Variants in L3MBTL4 observed in about 807,000 individuals in gnomAD.
L3MBTL4 encodes the protein L3MBTL histone methyl-lysine binding protein 4.
In L3MBTL4, 70 loss-of-function variants were observed where a neutral mutation model predicts 84.5. The observed-to-expected ratio is 0.83, with a 90% CI of 0.68 to 1.01. The LOEUF (loss-of-function observed/expected upper bound fraction) is 1.01, where lower values mean the gene tolerates loss of function less well. Among genes scored for constraint, L3MBTL4 ranks in the 50% least tolerant of loss-of-function variants. The probability of loss-of-function intolerance (pLI) is 0.00; values close to 1 mark genes in which losing one functional copy is unlikely to be tolerated. For missense variants in L3MBTL4, 715 were observed against 754.8 expected (o/e 0.95, Z 0.62); for synonymous variants, 274 against 259.8 (o/e 1.05, Z -0.52).
intron 1 of L3MBTL4, among the ~76,000 whole-genome samples, chr18:6,378,495 A>C (rs1054418603): frequency 6.6e-6 from 1 of 152,088 alleles, no homozygotes; most frequent in African/African-American, 2.4e-5. Flanking sequence ...TAATTTTTGT[A>C]TAAGGTATAA....
At chr18:6,054,285 C>T (rs947168865) in intron 16 of L3MBTL4, among the ~76,000 whole-genome samples, 5 of 151,996 alleles carry the variant, frequency 3.3e-5, no homozygotes, top group South Asian at 2.1e-4. Context: ...CCCACCGGCT[C>T]GCATTAGGAG....
chr18:6,107,478 C>T (rs1176588131), intron 14 of L3MBTL4, among the ~76,000 whole-genome samples: 1 of 152,154 alleles, frequency 6.6e-6, no homozygotes, highest in Admixed American at 6.5e-5. Context: ...GGACAGCATG[C>T]AGGCGGTCTG....
chr18:6,268,177 G>A (rs559356065), intron 4 of L3MBTL4, among the ~76,000 whole-genome samples: 12 of 152,266 alleles, frequency 7.9e-5, no homozygotes, highest in South Asian at 2.1e-4. Context: ...AGGCCAAGGC[G>A]GTTGAATCAC....
intron 13 of L3MBTL4, among the ~76,000 whole-genome samples, chr18:6,146,221 C>A (rs1462219834): frequency 6.6e-6 from 1 of 152,224 alleles, no homozygotes; most frequent in African/African-American, 2.4e-5. Context: ...TGCTCGGGAC[C>A]TGCTGTGCGC....
At chr18:6,161,916 T>C (rs1204146980) in intron 13 of L3MBTL4, among the ~76,000 whole-genome samples, 1 of 150,372 alleles carries the variant, frequency 6.7e-6, no homozygotes, top group Non-Finnish European at 1.5e-5. Context: ...AAAATACATA[T>C]AATTCTTATA....
chr18:6,183,293 C>A (rs1199072635), intron 12 of L3MBTL4, among the ~76,000 whole-genome samples: 1 of 152,166 alleles, frequency 6.6e-6, no homozygotes, highest in Non-Finnish European at 1.5e-5. Context: ...CAAATGATCT[C>A]CAAATCAGTT....
Position 6,169,618 on chromosome 18 carries a change from G to A in L3MBTL4, c.1096+2210C>T, listed in dbSNP as rs185829632. Among the ~76,000 whole-genome samples the A allele has an allele frequency of 3.4e-5, 5 of 145,438 alleles. No individual in the cohort carries two copies. The East Asian group carries it at 1.0e-3, about 30-fold the overall frequency. ...ACCGCATGTTCTCACTCATAGGTGG[G>A]AATTGAACAATGAGAACACATGGAC... On this transcript the variant is annotated intron_variant, in intron 13 of 18. Coordinates refer to ENST00000317931, the MANE Select transcript of L3MBTL4 (RefSeq NM_001330559.2).
intron 16 of L3MBTL4, among the ~76,000 whole-genome samples, chr18:6,035,221 C>A (rs1282645771): frequency 6.6e-6 from 1 of 151,048 alleles, no homozygotes; most frequent in East Asian, 1.9e-4. Context: ...GAAGTCCTTG[C>A]CCATGCCTAT....
intron 14 of L3MBTL4, among the ~76,000 whole-genome samples, chr18:6,128,981 T>C (rs1225943008): frequency 2.6e-5 from 4 of 151,986 alleles, no homozygotes; most frequent in African/African-American, 9.7e-5. Flanking sequence ...GGTCACATTG[T>C]GATACAACCA....
chr18:6,225,119 C>A (rs747581906), intron 10 of L3MBTL4, among the ~76,000 whole-genome samples: 8 of 152,124 alleles, frequency 5.3e-5, no homozygotes, highest in Non-Finnish European at 1.2e-4. Context: ...TTACTCGCTC[C>A]CTAACAATGA....
intron 16 of L3MBTL4, among the ~76,000 whole-genome samples, chr18:6,078,441 A>AAAAAAAAAAAAAAAAAAG (rs2057943071): frequency 6.7e-6 from 1 of 148,530 alleles, no homozygotes. Flanking sequence ...AAAAAAAACA[A>AAAAAAAAAAAAAAAAAAG]AAAAAAAAAA....
At chr18:6,213,322 A>AT in intron 11 of L3MBTL4, 63 bp from the exon 12 acceptor site, 1 of 875,788 alleles carries the variant, frequency 1.1e-6, no homozygotes, top group Non-Finnish European at 1.8e-6. Context: ...TATCCTACTA[A>AT]TTTTTTCTAA....
At chr18:6,289,154 T>C (rs1014231541) in intron 4 of L3MBTL4, among the ~76,000 whole-genome samples, 3 of 152,078 alleles carry the variant, frequency 2.0e-5, no homozygotes, top group South Asian at 2.1e-4. Flanking sequence ...GGGAAAATGA[T>C]AAAGGTCTAA....
At chr18:6,380,838 T>C (rs1475274219) in intron 1 of L3MBTL4, among the ~76,000 whole-genome samples, 1 of 152,202 alleles carries the variant, frequency 6.6e-6, no homozygotes, top group Non-Finnish European at 1.5e-5. Flanking sequence ...TAGGTCCACT[T>C]GGTCCAGAGC....
intron 16 of L3MBTL4, among the ~76,000 whole-genome samples, chr18:5,990,839 G>A (rs1276718776): frequency 6.6e-6 from 1 of 151,546 alleles, no homozygotes; most frequent in African/African-American, 2.4e-5. Context: ...ACTCACCAAT[G>A]GTACCTTTTA....
intron 13 of L3MBTL4, among the ~76,000 whole-genome samples, chr18:6,166,257 T>C (rs1265044069): frequency 6.6e-6 from 1 of 152,102 alleles, no homozygotes; most frequent in Non-Finnish European, 1.5e-5. Flanking sequence ...GCTGTCAACA[T>C]TAGACAGATC....
intron 14 of L3MBTL4, among the ~76,000 whole-genome samples, chr18:6,129,004 T>C (rs564488496): frequency 1.3e-5 from 2 of 151,928 alleles, no homozygotes; most frequent in Non-Finnish European, 2.9e-5. Flanking sequence ...GGGTGTTCAG[T>C]CAAAGCCAAC....
At chr18:6,237,414 G>C (rs1471380623) in intron 10 of L3MBTL4, among the ~76,000 whole-genome samples, 1 of 140,096 alleles carries the variant, frequency 7.1e-6, no homozygotes, top group East Asian at 2.3e-4. Context: ...AAAATTTTTA[G>C]CAACTTTGTT....
intron 11 of L3MBTL4, among the ~76,000 whole-genome samples, chr18:6,214,840 T>C (rs781596612): frequency 1.1e-4 from 17 of 152,182 alleles, no homozygotes; most frequent in Non-Finnish European, 1.5e-5. Context: ...TAGCTACTTT[T>C]CAGAATTTTA....
Sources: allele counts gnomAD v4.1 joint callset (sites outside exome capture counted in the v4.1 genomes callset), GRCh38; gene constraint gnomAD v4.1.1; transcripts MANE v1.5; gene names NCBI Gene and HGNC (gene_info 2026-07-23, HGNC 2026-07-21).